Variants in LDB2 observed in about 807,000 individuals in gnomAD.
The protein encoded by LDB2 is LIM domain-binding protein 2.
Under a neutral mutation model 44.3 loss-of-function variants are expected in LDB2, and 12 were observed. The observed-to-expected ratio is 0.27, with a 90% confidence interval of 0.17 to 0.44. The LOEUF (loss-of-function observed/expected upper bound fraction) is 0.44. Among genes scored for constraint, LDB2 ranks in the 20% least tolerant of loss-of-function variants. The pLI is 1.00. For missense variants in LDB2, 344 were observed against 473.5 expected (o/e 0.73, Z 2.54); for synonymous variants, 164 against 174.8 (o/e 0.94, Z 0.49).
chr4:16,688,876 G>A (rs946598806), intron 2 of LDB2, among the ~76,000 whole-genome samples: 1 of 152,206 alleles, frequency 6.6e-6, no homozygotes, highest in Admixed American at 6.5e-5. Flanking sequence ...TTTCAAAACA[G>A]AAAATGAATA....
At chr4:16,755,533 GAGAGAGAGACAGACAGA>G (rs1561114665) in intron 2 of LDB2, among the ~76,000 whole-genome samples, 806 of 32,232 alleles carry the variant, frequency 0.025, 3 homozygotes, top group Non-Finnish European at 0.056. Flanking sequence ...GTATGTGAGA[GAGAGAGAGACAGACAGA>G]CAGAGAGAGA....
At chr4:16,724,067 G>A (rs1211400183) in intron 2 of LDB2, among the ~76,000 whole-genome samples, 1 of 152,044 alleles carries the variant, frequency 6.6e-6, no homozygotes, top group Non-Finnish European at 1.5e-5. Flanking sequence ...ATCAAAAACT[G>A]TGTAGGCAAA....
At chr4:16,764,769 A>C (rs1447640172) in intron 1 of LDB2, among the ~76,000 whole-genome samples, 1 of 152,232 alleles carries the variant, frequency 6.6e-6, no homozygotes. Context: ...AAGTACCACA[A>C]AAATGGCCCA....
intron 1 of LDB2, among the ~76,000 whole-genome samples, chr4:16,823,001 C>G (rs774525624): frequency 1.1e-4 from 16 of 152,182 alleles, no homozygotes; most frequent in Non-Finnish European, 1.9e-4. Context: ...GATAGCCTAG[C>G]TGCAGAGTCA....
chr4:16,798,973 C>T (rs1486067462), intron 1 of LDB2, among the ~76,000 whole-genome samples: 1 of 152,198 alleles, frequency 6.6e-6, no homozygotes, highest in Non-Finnish European at 1.5e-5. Context: ...GCCTCAGCCT[C>T]CTGAGTAGCT....
chr4:16,793,036 A>G (rs1052274987), intron 1 of LDB2, among the ~76,000 whole-genome samples: 1 of 152,148 alleles, frequency 6.6e-6, no homozygotes, highest in Non-Finnish European at 1.5e-5. Flanking sequence ...AGTATATTGT[A>G]CAGGATTTCA....
chr4:16,884,658 G>A (rs1328567173), intron 1 of LDB2, among the ~76,000 whole-genome samples: 1 of 152,126 alleles, frequency 6.6e-6, no homozygotes, highest in African/African-American at 2.4e-5. Context: ...TGTGTCCTCA[G>A]TAAGCTCTTT....
intron 2 of LDB2, among the ~76,000 whole-genome samples, chr4:16,756,965 T>C (rs541848317): frequency 6.6e-6 from 1 of 151,764 alleles, no homozygotes; most frequent in African/African-American, 2.4e-5. Flanking sequence ...GATTTTTTTT[T>C]TTTAACAAAT....
At chr4:16,555,657 G>T (rs985340783) in intron 5 of LDB2, among the ~76,000 whole-genome samples, 1 of 152,110 alleles carries the variant, frequency 6.6e-6, no homozygotes, top group African/African-American at 2.4e-5. Context: ...TCCTTAAATT[G>T]TTCCTTTCCT....
At chr4:16,761,354 A>C (rs1767872762) in intron 1 of LDB2, among the ~76,000 whole-genome samples, 1 of 152,210 alleles carries the variant, frequency 6.6e-6, no homozygotes, top group Non-Finnish European at 1.5e-5. Flanking sequence ...GTTAGGATTC[A>C]GCAAGAGGGG....
intron 1 of LDB2, among the ~76,000 whole-genome samples, chr4:16,793,524 C>A (rs1366772053): frequency 6.6e-6 from 1 of 152,100 alleles, no homozygotes; most frequent in Non-Finnish European, 1.5e-5. Context: ...AGGTCTTTAC[C>A]CAAGATGTGT....
chr4:16,634,292 C>A (rs1476669370), intron 2 of LDB2, among the ~76,000 whole-genome samples: 2 of 62,520 alleles, frequency 3.2e-5, no homozygotes, highest in African/African-American at 7.3e-5. Flanking sequence ...GTCTTTTGCA[C>A]GGCCAAAAAA....
rs200270859 is a variant in LDB2 at position 16,518,484 on chromosome 4, GT to G, written c.616-6381del. ...CGTTGCTCAGACCTTTGCTTGTGTT[GT>G]TTTTTTTTTCGCTTTTAAAAGGCCT... On this transcript the variant is annotated intron_variant, in intron 5 of 7. Coordinates refer to ENST00000304523, the MANE Select transcript of LDB2 (RefSeq NM_001290.5). Among the ~76,000 whole-genome samples, 835 of 147,224 alleles carry G rather than the reference GT, an allele frequency of 5.7e-3. 7 individuals are homozygous for G. Among genetic ancestry groups the G allele is most frequent in the African/African-American group, 0.02 (799 of 40,102 alleles).
chr4:16,592,534 G>A, intron 3 of LDB2, among the ~76,000 whole-genome samples: 1 of 131,334 alleles, frequency 7.6e-6, no homozygotes, highest in African/African-American at 3.0e-5. Context: ...ACACACACAT[G>A]ATCTGATCAT....
At chr4:16,820,542 T>C (rs1781753874) in intron 1 of LDB2, among the ~76,000 whole-genome samples, 3 of 152,202 alleles carry the variant, frequency 2.0e-5, no homozygotes, top group Non-Finnish European at 2.9e-5. Context: ...GGCTGAGATC[T>C]GAATGGCAGG....
At chr4:16,712,754 G>A (rs954160322) in intron 2 of LDB2, among the ~76,000 whole-genome samples, 1 of 152,160 alleles carries the variant, frequency 6.6e-6, no homozygotes, top group Non-Finnish European at 1.5e-5. Flanking sequence ...TACATTGCTA[G>A]TGGGAATGTA....
chr4:16,884,822 C>A lies in LDB2; in HGVS notation c.132+13532G>T, dbSNP rs977502017. Among the ~76,000 whole-genome samples, 3 of 152,214 alleles carry A rather than the reference C, an allele frequency of 2.0e-5. No individual in the cohort carries two copies. The East Asian group carries it at 5.8e-4, about 29-fold the overall frequency. ...AGCACTTTACAAGAATTAACTCACT[C>A]TATCTTATGAGAACCCAAACACATA... On this transcript the variant is annotated intron_variant, in intron 1 of 7. Coordinates refer to ENST00000304523, the MANE Select transcript of LDB2 (RefSeq NM_001290.5).
chr4:16,570,256 G>T (rs1448487423), intron 5 of LDB2, among the ~76,000 whole-genome samples: 1 of 151,694 alleles, frequency 6.6e-6, no homozygotes, highest in Non-Finnish European at 1.5e-5. Flanking sequence ...GAGGTCAGGA[G>T]ATCGAGACCA....
At chr4:16,766,511 T>TGTGTG (rs1491277378) in intron 1 of LDB2, among the ~76,000 whole-genome samples, 1 of 10,696 alleles carries the variant, frequency 9.3e-5, no homozygotes, top group African/African-American at 2.0e-4. Flanking sequence ...TGTGTATATA[T>TGTGTG]TTTTTTTTTT....
Sources: gnomAD v4.1 joint callset for allele counts (sites outside exome capture counted in the v4.1 genomes callset) on GRCh38, gnomAD v4.1.1 for gene constraint, MANE v1.5 for transcripts, NCBI Gene and HGNC (gene_info 2026-07-23, HGNC 2026-07-21) for gene names.